ITPR2: variants seen among roughly 807,000 people sequenced by gnomAD.
ITPR2 encodes the protein inositol 1,4,5-trisphosphate-gated calcium channel ITPR2.
A neutral mutation model predicts 317.1 loss-of-function variants in ITPR2; 207 were observed. The observed-to-expected ratio is 0.65, with a 90% CI of 0.58 to 0.73. ITPR2 has a LOEUF of 0.73. Ranked by LOEUF, ITPR2 falls within the 30% of genes least tolerant of loss-of-function variation. ITPR2 has a pLI of 0.00. For missense variants in ITPR2, 2,613 were observed against 3,284.0 expected, an observed-to-expected ratio of 0.80 and a Z score of 4.99; for synonymous variants, 1,156 against 1,149.1, an observed-to-expected ratio of 1.01 and a Z score of -0.12.
chr12:26,790,066 T>C (rs1478952765), intron 2 of ITPR2, 91 bp downstream of exon 2: 35 of 840,434 alleles, frequency 4.2e-5, no homozygotes, highest in South Asian at 2.6e-4. Context: ...AAGTTTCACA[T>C]TGAATAAAGT....
intron 37 of ITPR2, among the ~76,000 whole-genome samples, chr12:26,515,736 A>G (rs552715680): frequency 2.0e-5 from 3 of 152,108 alleles, no homozygotes; most frequent in African/African-American, 7.2e-5. Flanking sequence ...GAAGTGAAGG[A>G]GCCCACCAAG....
At chr12:26,621,006 TC>T in intron 26 of ITPR2, 116 bp downstream of exon 26, 1 of 896,166 alleles carries the variant, frequency 1.1e-6, no homozygotes, top group Non-Finnish European at 1.7e-6. Context: ...AATTTTGTGC[TC>T]TGTTGCTCAG....
At chr12:26,802,495 AC>A (rs1490120006) in intron 1 of ITPR2, among the ~76,000 whole-genome samples, 1 of 151,584 alleles carries the variant, frequency 6.6e-6, no homozygotes, top group Non-Finnish European at 1.5e-5. Flanking sequence ...AAATTAATAT[AC>A]ATATCCAACT....
At chr12:26,661,277 G>A (rs77381344) in intron 15 of ITPR2, among the ~76,000 whole-genome samples, 722 of 55,300 alleles carry the variant, frequency 0.013, 37 homozygotes, top group African/African-American at 0.069. Context: ...TGTGTGTGTG[G>A]GGGGGGGGGG....
intron 2 of ITPR2, among the ~76,000 whole-genome samples, chr12:26,750,463 T>A (rs922139956): frequency 6.6e-6 from 1 of 151,954 alleles, no homozygotes; most frequent in African/African-American, 2.4e-5. Flanking sequence ...TGACAAGGAG[T>A]CATCCTTCAT....
intron 40 of ITPR2, 90 bp downstream of exon 40, chr12:26,486,978 G>T: frequency 1.6e-6 from 2 of 1,282,532 alleles, no homozygotes; most frequent in Non-Finnish European, 2.3e-6. Context: ...TAAACCAAGA[G>T]AAGAGAGACG....
At chr12:26,405,118 G>C (rs914345747) in intron 52 of ITPR2, among the ~76,000 whole-genome samples, 15 of 138,594 alleles carry the variant, frequency 1.1e-4, no homozygotes, top group African/African-American at 4.1e-4. Flanking sequence ...TGGGCAACAA[G>C]AGCAAAACTC....
chr12:26,587,274 CAAAT>C (rs1437814007), intron 32 of ITPR2, among the ~76,000 whole-genome samples: 2 of 58,532 alleles, frequency 3.4e-5, no homozygotes, highest in Non-Finnish European at 7.7e-5. Flanking sequence ...TACTGAAATA[CAAAT>C]AAATATATAT....
chr12:26,784,363 C>CTCCACCGTCTCCT lies in ITPR2; in HGVS notation c.163+5793_163+5794insAGGAGACGGTGGA, dbSNP rs1950166943. On this transcript the variant is annotated intron_variant, in intron 2 of 56. Coordinates refer to ENST00000381340, the MANE Select transcript of ITPR2 (RefSeq NM_002223.4). ...CCTCTCCCTCTCCCTCTCCCTCTCCCTCCACGGTCTCCTTCCACGGTCTCC... is the reference window on the plus strand; with the variant it reads ...CCTCTCCCTCTCCCTCTCCCTCTCCCTCCACCGTCTCCTTCCACGGTCTCCTTCCACGGTCTCC... 1.3e-4 allele frequency among the ~76,000 whole-genome samples: 9 copies of CTCCACCGTCTCCT among 66,772 alleles called. 1 individual carries two copies. In the Admixed American group the frequency reaches 1.5e-3, roughly 11 times the overall value. The allele number at this position is 66,772 out of a possible 152,430, so 43.8% of individuals were successfully genotyped here. A position where few individuals can be genotyped will look rare whatever the true frequency, so the allele number is the denominator to read the frequency against.
intron 56 of ITPR2, among the ~76,000 whole-genome samples, chr12:26,339,807 G>C (rs1938045261): frequency 6.6e-6 from 1 of 152,076 alleles, no homozygotes; most frequent in South Asian, 2.1e-4. Context: ...ATGATAAAGG[G>C]GTTCATTATA....
intron 8 of ITPR2, 128 bp from the exon 9 acceptor site, chr12:26,711,396 A>C: frequency 1.5e-6 from 1 of 654,778 alleles, no homozygotes; most frequent in Non-Finnish European, 2.7e-6. Flanking sequence ...TTTCCATGAG[A>C]GCATAATGTG....
At chr12:26,618,052 C>A (rs1164112858) in intron 26 of ITPR2, among the ~76,000 whole-genome samples, 1 of 151,892 alleles carries the variant, frequency 6.6e-6, no homozygotes, top group African/African-American at 2.4e-5. Context: ...AAGTCAATAA[C>A]CATTTGTAGT....
chr12:26,426,354 A>G (rs749175889), intron 49 of ITPR2, among the ~76,000 whole-genome samples: 1 of 152,198 alleles, frequency 6.6e-6, no homozygotes, highest in Non-Finnish European at 1.5e-5. Flanking sequence ...AAGATTTTCT[A>G]ATTTGCTTGG....
At chr12:26,448,177 A>C (rs1941656012) in intron 45 of ITPR2, among the ~76,000 whole-genome samples, 1 of 152,066 alleles carries the variant, frequency 6.6e-6, no homozygotes, top group Non-Finnish European at 1.5e-5. Flanking sequence ...AAAACTGCTA[A>C]TGAAGATATT....
At chr12:26,761,620 C>T (rs1306202486) in intron 2 of ITPR2, among the ~76,000 whole-genome samples, 1 of 152,148 alleles carries the variant, frequency 6.6e-6, no homozygotes, top group Non-Finnish European at 1.5e-5. Context: ...ATAGTGAGAA[C>T]ACATTTCTAC....
chr12:26,672,607 C>T (rs1231376413), intron 13 of ITPR2, among the ~76,000 whole-genome samples: 2 of 149,090 alleles, frequency 1.3e-5, no homozygotes, highest in African/African-American at 5.0e-5. Context: ...AGGAAAGATC[C>T]AAAATTGACA....
At chr12:26,786,446 C>CAA (rs1424429198) in intron 2 of ITPR2, among the ~76,000 whole-genome samples, 18 of 22,602 alleles carry the variant, frequency 8.0e-4, no homozygotes, top group African/African-American at 3.8e-3. Context: ...CAAGAATGAT[C>CAA]AATAAAAAAA....
At chr12:26,475,448 G>T (rs750689053) in intron 44 of ITPR2, 30 bp from the exon 45 acceptor site, 1 of 1,598,696 alleles carries the variant, frequency 6.3e-7, no homozygotes, top group Non-Finnish European at 8.5e-7. Flanking sequence ...ATATTGAAAT[G>T]CCAGAAACAA....
rs1937891971 is a variant in ITPR2, at chr12:26,335,537, A to G, written c.*3860T>C. Among the ~76,000 whole-genome samples, 1 of 152,206 alleles carries G rather than the reference A, an allele frequency of 6.6e-6. No individual in the cohort carries two copies. The highest frequency in any genetic ancestry group is 2.4e-5 in the African/African-American group (1 of 41,458). On this transcript the variant is annotated 3_prime_UTR_variant, in exon 57 of 57. Coordinates refer to ENST00000381340, the MANE Select transcript of ITPR2 (RefSeq NM_002223.4). Reference sequence around the variant, plus strand: ...CAAGTCTGTGGAAACACTCCAGTTCAGAGAAGGGTACCTGGATTTGTTTTC... The same window carrying G: ...CAAGTCTGTGGAAACACTCCAGTTCGGAGAAGGGTACCTGGATTTGTTTTC...
Sources: allele counts gnomAD v4.1 joint callset (sites outside exome capture counted in the v4.1 genomes callset), GRCh38; gene constraint gnomAD v4.1.1; transcripts MANE v1.5; gene names NCBI Gene and HGNC (gene_info 2026-07-23, HGNC 2026-07-21).